Variants in CFAP299 observed in about 807,000 individuals in gnomAD.
CFAP299 encodes cilia and flagella associated protein 299.
A neutral mutation model predicts 27.0 loss-of-function variants in CFAP299; 21 were observed. The ratio of observed to expected loss-of-function variants is 0.78; its 90% CI spans 0.55 to 1.12. The LOEUF (loss-of-function observed/expected upper bound fraction) is 1.12, where lower values mean the gene tolerates loss of function less well. Ranked by LOEUF, CFAP299 falls within the 50% of genes most tolerant of loss-of-function variation. The probability of loss-of-function intolerance (pLI) is 0.00; values close to 1 mark genes in which losing one functional copy is unlikely to be tolerated. For synonymous variants in CFAP299, 104 were observed against 98.1 expected (o/e 1.06, Z -0.36); for missense variants, 310 against 276.6 (o/e 1.12, Z -0.86).
At chr4:80,404,405 C>T (rs990667009) in intron 2 of CFAP299, among the ~76,000 whole-genome samples, 25 of 152,198 alleles carry the variant, frequency 1.6e-4, no homozygotes, top group Admixed American at 9.8e-4. Flanking sequence ...GCTAAAACTT[C>T]TTACCTTCAT....
chr4:80,539,947 G>A (rs1020286058), intron 2 of CFAP299, among the ~76,000 whole-genome samples: 2 of 152,156 alleles, frequency 1.3e-5, no homozygotes, highest in Non-Finnish European at 2.9e-5. Context: ...GGTTAGCAGA[G>A]CATTTAGCTC....
intron 3 of CFAP299, among the ~76,000 whole-genome samples, chr4:80,744,750 A>G (rs1022644358): frequency 6.6e-6 from 1 of 152,148 alleles, no homozygotes; most frequent in African/African-American, 2.4e-5. Flanking sequence ...ATTTTTCCTC[A>G]GCTTGAGAAA....
intron 2 of CFAP299, among the ~76,000 whole-genome samples, chr4:80,426,180 C>T (rs914545125): frequency 6.6e-6 from 1 of 150,622 alleles, no homozygotes; most frequent in Non-Finnish European, 1.5e-5. Flanking sequence ...AACATGTTAA[C>T]TATTTCTATA....
intron 2 of CFAP299, among the ~76,000 whole-genome samples, chr4:80,446,985 CA>C (rs1728646107): frequency 6.6e-6 from 1 of 152,028 alleles, no homozygotes; most frequent in Non-Finnish European, 1.5e-5. Flanking sequence ...TCTCAATCAA[CA>C]AAACTATTCA....
Position 80,799,446 on chromosome 4 carries a change from A to T in CFAP299, c.334-70547A>T, listed in dbSNP as rs185013689. On this transcript the variant is annotated intron_variant, in intron 3 of 5. Transcript: ENST00000358105. ...TATTTATAATATATATAATATTTAT[A>T]AAATATATATAATATATTTTATAAA... 8.3e-3 allele frequency among the ~76,000 whole-genome samples: 763 copies of T among 91,378 alleles called. 14 individuals are homozygous for T. The highest frequency in any genetic ancestry group is 0.033 in the African/African-American group (714 of 21,604). 59.9% of individuals were successfully genotyped at this position (91,378 alleles called of 152,430 possible).
At position 80,679,270 on chromosome 4, in the gene CFAP299, T is replaced by G. The variant is rs539486726; in HGVS notation, c.333+96087T>G. ...TATTCCTTTACATTGATGAGTAGTA[T>G]TCCATTGTGTCGTGGTTTCAAATTT... On this transcript the variant is annotated intron_variant, in intron 3 of 5. Transcript: ENST00000358105. Among the ~76,000 whole-genome samples the G allele has an allele frequency of 3.3e-5, 5 of 152,218 alleles. No homozygotes were observed. In the South Asian group the frequency reaches 8.3e-4, roughly 25 times the overall value.
intron 5 of CFAP299, among the ~76,000 whole-genome samples, chr4:80,960,713 G>A (rs1352083782): frequency 6.6e-6 from 1 of 151,746 alleles, no homozygotes; most frequent in Admixed American, 6.6e-5. Flanking sequence ...CATATTAAAA[G>A]GACTTTTACC....
At chr4:80,452,888 A>C (rs939572806) in intron 2 of CFAP299, among the ~76,000 whole-genome samples, 4 of 152,216 alleles carry the variant, frequency 2.6e-5, no homozygotes, top group African/African-American at 9.6e-5. Context: ...GATTACTTTT[A>C]AAATGATGTT....
At position 80,963,710 on chromosome 4, in the gene CFAP299, A is replaced by G. The variant is rs967935714; in HGVS notation, c.*98A>G. 6 of 686,128 alleles carry G rather than the reference A, an allele frequency of 8.7e-6. No individual in the cohort carries two copies. The Admixed American group carries it at 1.5e-4, about 17-fold the overall frequency. 42.5% of individuals were successfully genotyped at this position (686,128 alleles called of 1,614,324 possible). A position where few individuals can be genotyped will look rare whatever the true frequency, so the allele number is the denominator to read the frequency against. On this transcript the variant is annotated 3_prime_UTR_variant, in exon 6 of 6. Transcript: ENST00000358105. ...TAAATGAGCCCTGTAGCTGGAAGGC[A>G]AATTAGAACAATAAAGTTAATAAAG...
chr4:80,823,760 C>A (rs1055468118), intron 3 of CFAP299, among the ~76,000 whole-genome samples: 1 of 152,114 alleles, frequency 6.6e-6, no homozygotes, highest in Non-Finnish European at 1.5e-5. Flanking sequence ...GAAGTAAGTA[C>A]TATCCTTATC....
intron 2 of CFAP299, among the ~76,000 whole-genome samples, chr4:80,427,495 A>C (rs1727583657): frequency 6.6e-6 from 1 of 152,172 alleles, no homozygotes; most frequent in Non-Finnish European, 1.5e-5. Context: ...TCTTAACCTG[A>C]ATCTCACGGA....
At chr4:80,532,078 G>A (rs1578561703) in intron 2 of CFAP299, among the ~76,000 whole-genome samples, 2 of 152,152 alleles carry the variant, frequency 1.3e-5, no homozygotes, top group South Asian at 4.1e-4. Context: ...TGTTAATGGG[G>A]CTCTAGGAAA....
chr4:80,906,950 T>C (rs1043496869), intron 4 of CFAP299, among the ~76,000 whole-genome samples: 1 of 152,248 alleles, frequency 6.6e-6, no homozygotes, highest in African/African-American at 2.4e-5. Context: ...TGTAAATTTC[T>C]GCAGCTGGCT....
the CFAP299 span, among the ~76,000 whole-genome samples, chr4:80,326,046 G>T: frequency 6.6e-6 from 1 of 152,040 alleles, no homozygotes; most frequent in Admixed American, 6.5e-5. Context: ...TCCATTTCCT[G>T]TTTATTTCAA....
At chr4:80,598,868 C>G (rs1019331035) in intron 3 of CFAP299, among the ~76,000 whole-genome samples, 3 of 152,134 alleles carry the variant, frequency 2.0e-5, no homozygotes, top group Non-Finnish European at 4.4e-5. Context: ...TCTGAATCCC[C>G]ACTTCTTGTT....
At chr4:80,445,618 C>A (rs1401201290) in intron 2 of CFAP299, among the ~76,000 whole-genome samples, 2 of 151,994 alleles carry the variant, frequency 1.3e-5, no homozygotes, top group Admixed American at 6.6e-5. Flanking sequence ...CACATGTATA[C>A]CTATGTAAGA....
chr4:80,428,459 G>T (rs183878301), intron 2 of CFAP299, among the ~76,000 whole-genome samples: 1 of 152,280 alleles, frequency 6.6e-6, no homozygotes, highest in East Asian at 1.9e-4. Flanking sequence ...AACATATGAA[G>T]AAAATGTTTC....
At chr4:80,826,265 C>T (rs1729979324) in intron 3 of CFAP299, among the ~76,000 whole-genome samples, 1 of 150,952 alleles carries the variant, frequency 6.6e-6, no homozygotes, top group Non-Finnish European at 1.5e-5. Flanking sequence ...TAAAATATTT[C>T]ACTAGAAAAA....
At chr4:80,946,380 T>C (rs1737477820) in intron 5 of CFAP299, among the ~76,000 whole-genome samples, 2 of 152,088 alleles carry the variant, frequency 1.3e-5, no homozygotes, top group East Asian at 3.9e-4. Flanking sequence ...ATTCAAAACA[T>C]AATGCCTGGA....
Sources: allele counts gnomAD v4.1 joint callset (sites outside exome capture counted in the v4.1 genomes callset), GRCh38; gene constraint gnomAD v4.1.1; transcripts MANE v1.5; gene names NCBI Gene and HGNC (gene_info 2026-07-23, HGNC 2026-07-21).